Variants in ARHGEF3 observed in about 807,000 individuals in gnomAD.
ARHGEF3 encodes 59.8 kDA protein.
A neutral mutation model predicts 63.2 loss-of-function variants in ARHGEF3; 28 were observed. The ratio of observed to expected loss-of-function variants is 0.44; its 90% confidence interval spans 0.33 to 0.61. The LOEUF (loss-of-function observed/expected upper bound fraction) is 0.61, where lower values mean the gene tolerates loss of function less well. ARHGEF3 is among the 20% of genes least tolerant of loss of function. The pLI is 0.03. For synonymous variants in ARHGEF3, 266 were observed against 254.2 expected, an observed-to-expected ratio of 1.05 and a Z score of -0.44; for missense variants, 533 against 659.3, an observed-to-expected ratio of 0.81 and a Z score of 2.10.
In ARHGEF3 at chr3:56,799,589, C is replaced by T. The variant is rs186610386; in HGVS notation, c.96+2114G>A. 5.9e-5 allele frequency among the ~76,000 whole-genome samples: 9 copies of T among 152,254 alleles called. No individual in the cohort carries two copies. The South Asian group carries it at 1.0e-3, about 18-fold the overall frequency. On this transcript the variant is annotated intron_variant, in intron 1 of 9. Transcript: ENST00000296315. ...TCATGTTTTTCAAAAGGCTGACAAG[C>T]GAATGCTATTTTTTAATTTATGAAT...
At chr3:56,903,875 A>G (rs1408724437) in intron 3 of ARHGEF3, among the ~76,000 whole-genome samples, 1 of 151,664 alleles carries the variant, frequency 6.6e-6, no homozygotes, top group Non-Finnish European at 1.5e-5. Flanking sequence ...AATAAAACTG[A>G]GAATTTTTTT....
intron 2 of ARHGEF3, among the ~76,000 whole-genome samples, chr3:57,024,815 T>C (rs1294494290): frequency 6.6e-6 from 1 of 152,234 alleles, no homozygotes; most frequent in Non-Finnish European, 1.5e-5. Flanking sequence ...CAAATGCTTA[T>C]CCTTGTTAAT....
At chr3:56,949,231 C>T (rs1297621120) in intron 3 of ARHGEF3, among the ~76,000 whole-genome samples, 1 of 151,934 alleles carries the variant, frequency 6.6e-6, no homozygotes, top group African/African-American at 2.4e-5. Flanking sequence ...GACAGGGATG[C>T]CCTCTCTCAC....
chr3:56,762,189 G>C (rs1374627936), intron 2 of ARHGEF3, among the ~76,000 whole-genome samples: 1 of 152,152 alleles, frequency 6.6e-6, no homozygotes, highest in Non-Finnish European at 1.5e-5. Flanking sequence ...CCACCTCAAA[G>C]TGAGGGACCT....
intron 4 of ARHGEF3, among the ~76,000 whole-genome samples, chr3:56,825,782 G>A (rs2038693266): frequency 6.6e-6 from 1 of 152,122 alleles, no homozygotes. Flanking sequence ...GCATTCTGGG[G>A]CTTTGGCTCA....
intron 1 of ARHGEF3, 112 bp downstream of exon 1, chr3:56,801,591 T>G: frequency 1.2e-5 from 16 of 1,315,412 alleles, no homozygotes; most frequent in East Asian, 2.7e-5. Context: ...ACACGGAGAG[T>G]GAGAGATGGA....
At chr3:56,752,097 CT>C (rs1321456596) in intron 4 of ARHGEF3, among the ~76,000 whole-genome samples, 1 of 147,332 alleles carries the variant, frequency 6.8e-6, no homozygotes, top group East Asian at 2.0e-4. Context: ...TTTTTTTGTA[CT>C]TTTTAGTAGA....
At chr3:56,961,270 C>T (rs1700268623) in intron 2 of ARHGEF3, among the ~76,000 whole-genome samples, 1 of 152,080 alleles carries the variant, frequency 6.6e-6, no homozygotes, top group Non-Finnish European at 1.5e-5. Flanking sequence ...TTTTATATAA[C>T]ATTATGTAAT....
At chr3:56,756,986 A>G (rs1401444214) in intron 2 of ARHGEF3, among the ~76,000 whole-genome samples, 1 of 152,220 alleles carries the variant, frequency 6.6e-6, no homozygotes, top group Non-Finnish European at 1.5e-5. Context: ...ATCATACTTG[A>G]TTATAATTAT....
intron 3 of ARHGEF3, among the ~76,000 whole-genome samples, chr3:56,890,973 T>C (rs1178702653): frequency 6.6e-6 from 1 of 152,204 alleles, no homozygotes; most frequent in Non-Finnish European, 1.5e-5. Context: ...TTTCAGAGGC[T>C]TTGATGCCTT....
chr3:57,009,090 G>A (rs1702580499), intron 2 of ARHGEF3, among the ~76,000 whole-genome samples: 1 of 152,216 alleles, frequency 6.6e-6, no homozygotes, highest in Non-Finnish European at 1.5e-5. Flanking sequence ...CATGGCCCAA[G>A]CCATTGCTCT....
intron 2 of ARHGEF3, among the ~76,000 whole-genome samples, chr3:56,760,400 T>C (rs925572100): frequency 1.3e-5 from 2 of 152,208 alleles, no homozygotes; most frequent in East Asian, 3.8e-4. Context: ...GAGTTGGAGA[T>C]TGTCTTCTGC....
intron 1 of ARHGEF3, among the ~76,000 whole-genome samples, chr3:57,055,088 CCT>C (rs1018350339): frequency 5.3e-5 from 8 of 151,802 alleles, no homozygotes; most frequent in Admixed American, 4.6e-4. Flanking sequence ...TTGCCTTTTC[CCT>C]CTCTTAATGG....
chr3:57,020,768 T>C (rs1703224109), intron 2 of ARHGEF3, among the ~76,000 whole-genome samples: 1 of 152,230 alleles, frequency 6.6e-6, no homozygotes, highest in Admixed American at 6.5e-5. Flanking sequence ...TGAGGCTATC[T>C]ACTGTCGGAC....
chr3:56,826,609 T>G (rs1246126817), intron 4 of ARHGEF3, among the ~76,000 whole-genome samples: 1 of 152,220 alleles, frequency 6.6e-6, no homozygotes, highest in Non-Finnish European at 1.5e-5. Flanking sequence ...AGGTTAGGTT[T>G]TGAAGGCTGA....
chr3:56,843,303 A>T (rs942225327), intron 4 of ARHGEF3, among the ~76,000 whole-genome samples: 3 of 152,182 alleles, frequency 2.0e-5, no homozygotes, highest in Non-Finnish European at 4.4e-5. Flanking sequence ...TCTGTCTCCC[A>T]GGCTAGAGTA....
At chr3:56,873,501 G>C (rs116265080) in intron 4 of ARHGEF3, among the ~76,000 whole-genome samples, 2 of 152,018 alleles carry the variant, frequency 1.3e-5, no homozygotes, top group Middle Eastern at 3.2e-3. Flanking sequence ...TTGTCTGTTC[G>C]TGCGTTAGTT....
rs368628072 is a variant in ARHGEF3, at chr3:56,790,929, AT to A, written c.96+10773del. ...TTCACCTTTCTTTTTTCCTTTTCAC[AT>A]TTTTTTTTCAAGGTTCTGACATAGG... On this transcript the variant is annotated intron_variant, in intron 1 of 9. Transcript: ENST00000296315. Among the ~76,000 whole-genome samples the A allele has an allele frequency of 2.1e-5, 3 of 146,272 alleles. 1 individual carries two copies. Among genetic ancestry groups the A allele is most frequent in the Non-Finnish European group, 4.5e-5 (3 of 66,090 alleles).
chr3:56,996,434 T>G (rs1202724937), intron 2 of ARHGEF3, among the ~76,000 whole-genome samples: 1 of 152,218 alleles, frequency 6.6e-6, no homozygotes, highest in Non-Finnish European at 1.5e-5. Flanking sequence ...CCCCATGTGA[T>G]GGTATGAGGA....
Sources: allele counts gnomAD v4.1 joint callset (sites outside exome capture counted in the v4.1 genomes callset), GRCh38; gene constraint gnomAD v4.1.1; transcripts MANE v1.5; gene names NCBI Gene and HGNC (gene_info 2026-07-23, HGNC 2026-07-21).